The following CREB3L2 variants were observed in gnomAD, a reference collection of about 807,000 sequenced individuals.
CREB3L2 encodes the protein cyclic AMP-responsive element-binding protein 3-like protein 2.
Under a neutral mutation model 57.2 loss-of-function variants are expected in CREB3L2, and 23 were observed. The observed-to-expected ratio is 0.40, with a 90% CI of 0.29 to 0.57. The LOEUF is 0.57. CREB3L2 is among the 20% of genes least tolerant of loss of function. CREB3L2 has a pLI of 0.42. For missense variants in CREB3L2, 628 were observed against 634.7 expected, an observed-to-expected ratio of 0.99 and a Z score of 0.11; for synonymous variants, 268 against 265.1, an observed-to-expected ratio of 1.01 and a Z score of -0.11.
rs924686907 is a variant in CREB3L2 at position 138,001,652 on chromosome 7, C to T, written c.54G>A (p.Leu18=). 6.2e-7 allele frequency: 1 copy of T among 1,613,448 alleles called. No individual in the cohort carries two copies. Among genetic ancestry groups the T allele is most frequent in the Non-Finnish European group, 8.5e-7 (1 of 1,179,830 alleles). ...CGTCCCCGGGCTCTGACAGCTCGCT[C>T]AGCTTGCGGTCCCACTGCAGCACGC... ...EQGVLQWDRK[L]SELSEPGDGE... The change falls in exon 1 of 12, where the codon CTG becomes CTA. Residue 18 remains leucine, a synonymous_variant. Coordinates refer to ENST00000330387, the MANE Select transcript of CREB3L2 (RefSeq NM_194071.4). The surrounding 1 kb of genome is among the most constrained non-coding windows in gnomAD (Gnocchi z 4.2).
At chr7:137,975,081 T>C (rs770550438) in intron 1 of CREB3L2, among the ~76,000 whole-genome samples, 1 of 152,198 alleles carries the variant, frequency 6.6e-6, no homozygotes, top group Non-Finnish European at 1.5e-5. Context: ...TCAAGAAAGA[T>C]AAGGTATATG....
intron 1 of CREB3L2, among the ~76,000 whole-genome samples, chr7:137,977,042 G>A (rs1234689183): frequency 1.3e-5 from 2 of 152,168 alleles, no homozygotes; most frequent in Non-Finnish European, 2.9e-5. Flanking sequence ...TAGAAATGAG[G>A]CTGCAGAAGG....
Position 137,908,313 on chromosome 7 carries a change from G to T in CREB3L2, c.707C>A (p.Ser236Tyr), listed in dbSNP as rs375749577. ...PFSLPQTHSPSRAAPRAPSAL... is the reference protein window; with the variant it reads ...PFSLPQTHSPYRAAPRAPSAL... ...GGAGGGGGCCCGGGGTGCAGCTCTGGAGGGGCTGTGGGTCTGAGGCAGGCT... is the reference window on the plus strand; with the variant it reads ...GGAGGGGGCCCGGGGTGCAGCTCTGTAGGGGCTGTGGGTCTGAGGCAGGCT... Residue 236 changes from serine (S) to tyrosine (Y), a missense_variant, in exon 5 of 12, where the codon TCC becomes TAC. This residue lies in a region of CREB3L2 where 339 missense variants were observed against 355.4 expected (regional missense o/e 0.95). Coordinates refer to ENST00000330387, the MANE Select transcript of CREB3L2 (RefSeq NM_194071.4). 7.9e-7 allele frequency: 1 copy of T among 1,258,450 alleles called. No individual in the cohort carries two copies. The highest frequency in any genetic ancestry group is 1.0e-6 in the Non-Finnish European group (1 of 992,714). The allele number at this position is 1,258,450 out of a possible 1,614,324, so 78.0% of individuals were successfully genotyped here.
intron 1 of CREB3L2, among the ~76,000 whole-genome samples, chr7:137,962,321 C>T (rs551215601): frequency 4.5e-4 from 68 of 152,258 alleles, no homozygotes; most frequent in African/African-American, 1.5e-3. Flanking sequence ...AGGCTGTCAT[C>T]AAGAAGGATC....
chr7:137,978,850 C>A (rs1016173383), intron 1 of CREB3L2, among the ~76,000 whole-genome samples: 16 of 152,088 alleles, frequency 1.1e-4, no homozygotes, highest in African/African-American at 3.9e-4. Context: ...TGGAAGAGAG[C>A]CGTGGATGAA....
At chr7:137,994,033 G>C (rs1308541503) in intron 1 of CREB3L2, among the ~76,000 whole-genome samples, 1 of 152,216 alleles carries the variant, frequency 6.6e-6, no homozygotes, top group Non-Finnish European at 1.5e-5. Flanking sequence ...CAGGGAAAAA[G>C]AGAAATAGGC....
chr7:137,877,926 A>G lies in CREB3L2; in HGVS notation c.*2550T>C, dbSNP rs1416595796. 2 of 227,798 alleles carry G rather than the reference A, an allele frequency of 8.8e-6. No homozygotes were observed. Among genetic ancestry groups the G allele is most frequent in the Non-Finnish European group, 1.7e-5 (2 of 114,784 alleles). 14.1% of individuals were successfully genotyped at this position (227,798 alleles called of 1,614,324 possible). The stretch of plus-strand genomic sequence containing the variant: ...CCTCTTGACCCCATTTTGTCCTCCT[A>G]AAGGGACAACTGTTAGTTCCTTTAA... On this transcript the variant is annotated 3_prime_UTR_variant, in exon 12 of 12. Coordinates refer to ENST00000330387, the MANE Select transcript of CREB3L2 (RefSeq NM_194071.4).
At position 137,958,508 on chromosome 7, in the gene CREB3L2, AAAAG is replaced by A. The variant is rs200062587; in HGVS notation, c.103-30146_103-30143del. 3.0e-3 allele frequency among the ~76,000 whole-genome samples: 452 copies of A among 152,310 alleles called. 8 individuals are homozygous for A. In the East Asian group the frequency reaches 0.062, roughly 21 times the overall value. ...AGTGGAGACCCTGCCTGTTCAAAAA[AAAAG>A]AAAGAAAGAAAGAAAAGAAATCCTT... On this transcript the variant is annotated intron_variant, in intron 1 of 11. Coordinates refer to ENST00000330387, the MANE Select transcript of CREB3L2 (RefSeq NM_194071.4).
chr7:137,910,952 T>C (rs1799992681), intron 4 of CREB3L2, among the ~76,000 whole-genome samples: 1 of 152,232 alleles, frequency 6.6e-6, no homozygotes, highest in Non-Finnish European at 1.5e-5. Context: ...TCTCAGTTTA[T>C]CCAGGATAAT....
chr7:137,885,184 A>G (rs1799388419), intron 9 of CREB3L2, 63 bp from the exon 10 acceptor site: 3 of 1,566,050 alleles, frequency 1.9e-6, no homozygotes, highest in Admixed American at 3.5e-5. Context: ...TCTGGACAGC[A>G]CAGCTTTATA....
chr7:137,984,385 G>A (rs141891435), intron 1 of CREB3L2, among the ~76,000 whole-genome samples: 81 of 152,310 alleles, frequency 5.3e-4, no homozygotes, highest in African/African-American at 1.8e-3. Flanking sequence ...TCCTAATATA[G>A]GTACTACCCT....
chr7:137,931,521 C>CAAAA (rs59161952), intron 1 of CREB3L2, among the ~76,000 whole-genome samples: 2 of 61,034 alleles, frequency 3.3e-5, no homozygotes, highest in Non-Finnish European at 3.9e-5. Flanking sequence ...GACTCCGTCT[C>CAAAA]AAAAAAAAAA....
Position 137,879,173 on chromosome 7 carries a change from A to C in CREB3L2, c.*1303T>G. ...ACAAAAGTTACTTTTAACCATAAAA[A>C]AAAAACAAAAAAACTAAAAGTAGGT... On this transcript the variant is annotated 3_prime_UTR_variant, in exon 12 of 12. Transcript: ENST00000330387. 2.0e-6 allele frequency: 1 copy of C among 510,724 alleles called. No individual in the cohort carries two copies. Among genetic ancestry groups the C allele is most frequent in the Non-Finnish European group, 3.7e-6 (1 of 271,350 alleles). The allele number at this position is 510,724 out of a possible 1,614,324, so 31.6% of individuals were successfully genotyped here.
At chr7:137,965,962 G>T (rs1466590323) in intron 1 of CREB3L2, among the ~76,000 whole-genome samples, 1 of 152,180 alleles carries the variant, frequency 6.6e-6, no homozygotes. Flanking sequence ...TTCTAATTCA[G>T]TAGGTCTGCA....
At chr7:137,911,059 A>C (rs983812525) in intron 4 of CREB3L2, among the ~76,000 whole-genome samples, 2 of 152,224 alleles carry the variant, frequency 1.3e-5, no homozygotes, top group African/African-American at 2.4e-5. Flanking sequence ...TGGTGATGAC[A>C]CTTCTGAACC....
At chr7:137,960,063 G>T (rs1367970527) in intron 1 of CREB3L2, among the ~76,000 whole-genome samples, 1 of 152,074 alleles carries the variant, frequency 6.6e-6, no homozygotes, top group African/African-American at 2.4e-5. Flanking sequence ...TTTACTAGGT[G>T]CTTTTAACAT....
At chr7:137,906,025 G>A (rs1337100753) in intron 5 of CREB3L2, among the ~76,000 whole-genome samples, 177 bp from the exon 6 acceptor site, 4 of 152,152 alleles carry the variant, frequency 2.6e-5, no homozygotes, top group Admixed American at 1.3e-4. Flanking sequence ...GGAAGATGGG[G>A]AAGACACCCC....
chr7:137,916,579 G>A (rs2117220826), intron 2 of CREB3L2, among the ~76,000 whole-genome samples: 1 of 152,192 alleles, frequency 6.6e-6, no homozygotes, highest in Non-Finnish European at 1.5e-5. Flanking sequence ...CTAGCTAGGT[G>A]CAGTGGTGAG....
chr7:137,969,761 A>AACAC (rs66931280), intron 1 of CREB3L2, among the ~76,000 whole-genome samples: 1,149 of 103,644 alleles, frequency 0.011, 17 homozygotes, highest in African/African-American at 0.021. Flanking sequence ...AGGGTCATCA[A>AACAC]ACACACACAC....
Sources: gnomAD v4.1 joint callset for allele counts (sites outside exome capture counted in the v4.1 genomes callset) on GRCh38, gnomAD v4.1.1 for gene constraint, gnomAD v4.1.1 regional missense constraint, Gnocchi (gnomAD v3.1) non-coding constraint, MANE v1.5 for transcripts, NCBI Gene and HGNC (gene_info 2026-07-23, HGNC 2026-07-21) for gene names.